GUCY2F: variants seen among roughly 807,000 people sequenced by gnomAD.
GUCY2F encodes the protein guanylate cyclase 2F, retinal, also known as retinal guanylyl cyclase 2.
Under a neutral mutation model 73.1 loss-of-function variants are expected in GUCY2F, and 61 were observed. The ratio of observed to expected loss-of-function variants is 0.83; its 90% CI spans 0.68 to 1.03. The LOEUF (loss-of-function observed/expected upper bound fraction) is 1.03. Among genes scored for constraint, GUCY2F ranks in the 50% least tolerant of loss-of-function variants. GUCY2F has a pLI of 0.00. For missense variants in GUCY2F, 912 were observed against 854.3 expected, an observed-to-expected ratio of 1.07 and a Z score of -0.84; for synonymous variants, 331 against 307.8, an observed-to-expected ratio of 1.08 and a Z score of -0.79.
At chrX:109,377,213 G>T (rs1235233939) in intron 17 of GUCY2F, among the ~76,000 whole-genome samples, 1 of 111,558 alleles carries the variant, frequency 9.0e-6, no homozygotes, top group Admixed American at 9.5e-5. Flanking sequence ...TTCAAGGCTT[G>T]AACAAGCCTT....
intron 7 of GUCY2F, among the ~76,000 whole-genome samples, chrX:109,436,368 T>A (rs1191126511): frequency 1.8e-5 from 2 of 110,848 alleles, no homozygotes; most frequent in Non-Finnish European, 3.8e-5. Context: ...CTTGTGGAAG[T>A]CAGTGTGGCG....
In GUCY2F at chrX:109,408,745, T is replaced by C. The variant is rs936164458; in HGVS notation, c.1968+247A>G. Reference sequence around the variant, plus strand: ...TCCTCATTTTCTCTTGCCACCACCATATAAGAAGTGCCTTTCACCTCCTGC... The same window carrying C: ...TCCTCATTTTCTCTTGCCACCACCACATAAGAAGTGCCTTTCACCTCCTGC... On this transcript the variant is annotated intron_variant, in intron 9 of 19. Coordinates refer to ENST00000218006, the MANE Select transcript of GUCY2F (RefSeq NM_001522.3). 7.2e-5 allele frequency among the ~76,000 whole-genome samples: 8 copies of C among 111,816 alleles called. No individual in the cohort carries two copies. The Admixed American group carries it at 7.5e-4, about 11-fold the overall frequency.
At chrX:109,458,120 G>A (rs755889254) in intron 3 of GUCY2F, among the ~76,000 whole-genome samples, 1 of 111,797 alleles carries the variant, frequency 8.9e-6, no homozygotes, top group African/African-American at 3.3e-5. Context: ...TAAGGCCCTA[G>A]TACCTCCTAT....
rs778210304 is a variant in GUCY2F at position 109,475,343 on chromosome X, C to A, written c.594G>T (p.Trp198Cys). 8.3e-7 allele frequency: 1 copy of A among 1,211,215 alleles called. No homozygotes were observed. The highest frequency in any genetic ancestry group is 1.8e-5 in the South Asian group (1 of 56,943). The change falls in exon 2 of 20, where the codon TGG becomes TGT. Residue 198 changes from tryptophan (W) to cysteine (C), a missense_variant. Trp to Cys is a radical substitution (Grantham distance 215). Coordinates refer to ENST00000218006, the MANE Select transcript of GUCY2F (RefSeq NM_001522.3). ...AGVISSDEDIWVHTANRVASA... is the reference protein window; with the variant it reads ...AGVISSDEDICVHTANRVASA... ...TTGCGACTCGATTGGCTGTATGCAC[C>A]CAAATGTCTTCATCTGAGGAAATGA...
chrX:109,433,155 C>G (rs545239568), intron 7 of GUCY2F, among the ~76,000 whole-genome samples: 1 of 112,075 alleles, frequency 8.9e-6, no homozygotes, highest in African/African-American at 3.3e-5. Flanking sequence ...TCAGTACTCG[C>G]AGTCCTGACT....
intron 7 of GUCY2F, among the ~76,000 whole-genome samples, chrX:109,440,710 A>G (rs751846277): frequency 3.6e-5 from 4 of 111,986 alleles, no homozygotes; most frequent in Non-Finnish European, 7.5e-5. Context: ...GAAACAGTTC[A>G]TCTCTCTGAT....
At chrX:109,443,313 T>C (rs1472864009) in intron 6 of GUCY2F, among the ~76,000 whole-genome samples, 1 of 111,776 alleles carries the variant, frequency 8.9e-6, no homozygotes. Flanking sequence ...AATTTATTTT[T>C]TTTTATTTAC....
chrX:109,425,386 G>GTATA (rs201378744), intron 8 of GUCY2F, among the ~76,000 whole-genome samples: 1 of 103,088 alleles, frequency 9.7e-6, no homozygotes, highest in Non-Finnish European at 2.0e-5. Context: ...TGATATATAT[G>GTATA]TATATATATA....
At chrX:109,474,173 A>C (rs979193233) in intron 2 of GUCY2F, among the ~76,000 whole-genome samples, 1 of 111,777 alleles carries the variant, frequency 8.9e-6, no homozygotes, top group Non-Finnish European at 1.9e-5. Flanking sequence ...ACCATTCTCT[A>C]ACAAACATTT....
chrX:109,378,057 C>G (rs774789803), intron 17 of GUCY2F, among the ~76,000 whole-genome samples: 5 of 111,538 alleles, frequency 4.5e-5, no homozygotes, highest in African/African-American at 1.6e-4. Flanking sequence ...CTGAACCAAA[C>G]TCTTTGACCC....
chrX:109,474,701 G>A (rs780103191), intron 2 of GUCY2F, among the ~76,000 whole-genome samples: 1 of 112,088 alleles, frequency 8.9e-6, no homozygotes, highest in Non-Finnish European at 1.9e-5. Context: ...AAGGCAGAAG[G>A]TATGGACATT....
At chrX:109,397,143 G>C (rs1014905048) in intron 11 of GUCY2F, among the ~76,000 whole-genome samples, 1 of 111,800 alleles carries the variant, frequency 8.9e-6, no homozygotes, top group Non-Finnish European at 1.9e-5. Flanking sequence ...AGATTGGGAG[G>C]AGGTGGAAAA....
At chrX:109,476,655 T>C (rs1471475751) in intron 1 of GUCY2F, among the ~76,000 whole-genome samples, 1 of 107,534 alleles carries the variant, frequency 9.3e-6, no homozygotes, top group African/African-American at 3.4e-5. Context: ...GTTGCAGGAG[T>C]AGTTTGGTGC....
At chrX:109,457,748 G>C (rs1932288220) in intron 3 of GUCY2F, among the ~76,000 whole-genome samples, 2 of 111,174 alleles carry the variant, frequency 1.8e-5, no homozygotes, top group African/African-American at 3.3e-5. Flanking sequence ...CCCATATTTA[G>C]GGTAATAGAA....
intron 4 of GUCY2F, among the ~76,000 whole-genome samples, chrX:109,452,625 T>C (rs775433837): frequency 8.9e-6 from 1 of 112,204 alleles, no homozygotes; most frequent in East Asian, 2.8e-4. Context: ...TTAGTCTCCA[T>C]AAAATCTAAA....
rs1483654239 is a variant in GUCY2F, at chrX:109,395,402, A to T, written c.2363T>A (p.Met788Lys). Reference protein sequence around the residue: ...EHAPPECLQLMKQCWAEAAEQ... With the variant: ...EHAPPECLQLKKQCWAEAAEQ... ...TGCAGCCTCAGCCCAGCACTGCTTC[A>T]TCAGCTGGAGACATTCTGGAGGGGC... Residue 788 changes from methionine to lysine, a missense_variant, in exon 12 of 20, where the codon ATG becomes AAG. Physicochemically the swap from Met to Lys is moderately conservative, Grantham distance 95. Transcript: ENST00000218006. The T allele has an allele frequency of 1.7e-6, 2 of 1,203,260 alleles. No homozygotes were observed. Among genetic ancestry groups the T allele is most frequent in the East Asian group, 3.0e-5 (1 of 33,806 alleles).
At position 109,376,020 on chromosome X, in the gene GUCY2F, A is replaced by G. The variant is rs1401812456; in HGVS notation, c.3240-34T>C. 5.1e-6 allele frequency: 6 copies of G among 1,169,920 alleles called. No homozygotes were observed. In the Admixed American group the frequency reaches 6.5e-5, roughly 13 times the overall value. ...CAGGGGAGACATCAAATAGGTAGTG[A>G]AGAAAGTGTGGCAGAGTATGGCATA... On this transcript the variant is annotated intron_variant, in intron 18 of 19. Transcript: ENST00000218006.
chrX:109,403,977 G>C (rs1379940956), intron 10 of GUCY2F, among the ~76,000 whole-genome samples: 2 of 112,111 alleles, frequency 1.8e-5, no homozygotes, highest in African/African-American at 6.5e-5. Context: ...CGTTGTGGGG[G>C]TCCAGCTTCC....
chrX:109,390,423 T>A (rs1006511814), intron 14 of GUCY2F, among the ~76,000 whole-genome samples: 2 of 111,927 alleles, frequency 1.8e-5, no homozygotes, highest in Non-Finnish European at 3.8e-5. Context: ...ACAAATGAGT[T>A]TGGTCATTTG....
Sources: gnomAD v4.1 joint callset for allele counts (sites outside exome capture counted in the v4.1 genomes callset) on GRCh38, gnomAD v4.1.1 for gene constraint, MANE v1.5 for transcripts, NCBI Gene and HGNC (gene_info 2026-07-23, HGNC 2026-07-21) for gene names.